The following ITGA4 variants were observed in gnomAD, a reference collection of about 807,000 sequenced individuals.
ITGA4 encodes integrin subunit alpha 4.
In ITGA4, 63 loss-of-function variants were observed where a neutral mutation model predicts 133.6. That is an observed-to-expected ratio of 0.47 (90% CI 0.38 to 0.58). The LOEUF (loss-of-function observed/expected upper bound fraction) is 0.58. ITGA4 is among the 20% of genes least tolerant of loss of function. ITGA4 has a pLI of 0.00. For synonymous variants in ITGA4, 483 were observed against 438.0 expected (o/e 1.10, Z -1.28); for missense variants, 1,076 against 1,252.7 (o/e 0.86, Z 2.13).
chr2:181,469,208 A>G (rs993092486), intron 2 of ITGA4, among the ~76,000 whole-genome samples: 3 of 152,208 alleles, frequency 2.0e-5, no homozygotes, highest in Non-Finnish European at 2.9e-5. Flanking sequence ...TTTGCTTAAC[A>G]TTTGATATTT....
Position 181,523,449 on chromosome 2 carries a change from A to G in ITGA4, c.2086A>G (p.Ile696Val). The G allele has an allele frequency of 6.2e-7, 1 of 1,605,466 alleles. No homozygotes were observed. The highest frequency in any genetic ancestry group is 8.5e-7 in the Non-Finnish European group (1 of 1,172,336). The change falls in exon 19 of 28, where the codon ATA (isoleucine) becomes GTA (valine). Residue 696 changes from isoleucine to valine, a missense_variant. This residue lies in a region of ITGA4 where 365 missense variants were observed against 421.4 expected (regional missense o/e 0.87). Transcript: ENST00000397033. The surrounding 1 kb of genome is among the most constrained non-coding windows in gnomAD (Gnocchi z 4.2). Reference sequence around the variant, plus strand: ...TTTTTCCCATTAGGAAGAGAAGCAAATAAACTGTGAAGTCACAGATAACTC... The same window carrying G: ...TTTTTCCCATTAGGAAGAGAAGCAAGTAAACTGTGAAGTCACAGATAACTC... ...IKILELEEKQ[I>V]NCEVTDNSGV...
intron 10 of ITGA4, among the ~76,000 whole-genome samples, chr2:181,491,890 C>T (rs1251955147): frequency 1.3e-5 from 2 of 152,234 alleles, no homozygotes; most frequent in African/African-American, 4.8e-5. Flanking sequence ...CCTATTGCTT[C>T]CCTGCCCTTG....
At chr2:181,501,998 C>T (rs193107624) in intron 15 of ITGA4, among the ~76,000 whole-genome samples, 67 of 152,006 alleles carry the variant, frequency 4.4e-4, no homozygotes, top group African/African-American at 1.4e-3. Flanking sequence ...GCCGCTACAA[C>T]ATGAAGAGGT....
chr2:181,509,878 T>C, intron 16 of ITGA4, 71 bp downstream of exon 16: 1 of 1,124,346 alleles, frequency 8.9e-7, no homozygotes. Flanking sequence ...GGCATAATTC[T>C]GAAGAAGTGA....
At chr2:181,524,423 T>G (rs1274006627) in intron 20 of ITGA4, 173 bp downstream of exon 20, 1 of 504,198 alleles carries the variant, frequency 2.0e-6, no homozygotes, top group African/African-American at 2.0e-5. Flanking sequence ...CTGGCAATGT[T>G]TTAGCTCTTG....
chr2:181,526,731 C>T (rs1365185495), intron 21 of ITGA4, among the ~76,000 whole-genome samples: 2 of 143,376 alleles, frequency 1.4e-5, no homozygotes, highest in African/African-American at 5.1e-5. Flanking sequence ...AAGGAATGGT[C>T]AGTAGAATGA....
At position 181,537,657 on chromosome 2, in the gene ITGA4, A is replaced by AATTATTTCAGAATTATCT. The variant is rs1458843777; in HGVS notation, c.*2132_*2149dup. 2.3e-6 allele frequency: 1 copy of AATTATTTCAGAATTATCT among 435,170 alleles called. No homozygotes were observed. The highest frequency in any genetic ancestry group is 2.6e-5 in the Admixed American group (1 of 38,466). The allele number at this position is 435,170 out of a possible 1,614,324, so 27.0% of individuals were successfully genotyped here. ...AAATCCTGAAAAATGAAAGAATCCA[A>AATTATTTCAGAATTATCT]ATTATTTCAGAATTATCTAGGTTAA... On this transcript the variant is annotated 3_prime_UTR_variant, in exon 28 of 28. Coordinates refer to ENST00000397033, the MANE Select transcript of ITGA4 (RefSeq NM_000885.6).
intron 10 of ITGA4, among the ~76,000 whole-genome samples, chr2:181,487,574 G>A (rs1685949346): frequency 6.6e-6 from 1 of 152,082 alleles, no homozygotes; most frequent in African/African-American, 2.4e-5. Context: ...TTAATGTATA[G>A]CAATAAGAAA....
chr2:181,493,255 A>G lies in ITGA4; in HGVS notation c.1154-70A>G. 4 of 939,126 alleles carry G rather than the reference A, an allele frequency of 4.3e-6. 1 individual carries two copies. In the South Asian group the frequency reaches 5.7e-5, roughly 13 times the overall value. 58.2% of individuals were successfully genotyped at this position (939,126 alleles called of 1,614,324 possible). On this transcript the variant is annotated intron_variant, in intron 10 of 27. Coordinates refer to ENST00000397033, the MANE Select transcript of ITGA4 (RefSeq NM_000885.6). ...TTATGTGATATGAATTAAGGTTCATAAGGTTAGTTTTCGAAGTTGCATTCT... is the reference window on the plus strand; with the variant it reads ...TTATGTGATATGAATTAAGGTTCATGAGGTTAGTTTTCGAAGTTGCATTCT...
chr2:181,488,322 TG>T (rs1358991339), intron 10 of ITGA4, among the ~76,000 whole-genome samples: 3 of 152,198 alleles, frequency 2.0e-5, no homozygotes, highest in Admixed American at 6.5e-5. Context: ...TATGAGACCC[TG>T]GGCTTCACAC....
chr2:181,482,877 T>C (rs1685837107), intron 9 of ITGA4, among the ~76,000 whole-genome samples: 2 of 152,074 alleles, frequency 1.3e-5, no homozygotes, highest in African/African-American at 4.8e-5. Flanking sequence ...TGTTAGGGAG[T>C]TTCTCTGTTC....
Position 181,538,191 on chromosome 2 carries a change from G to GGAATCATTTCTTCCAT in ITGA4, c.*2666_*2681dup, listed in dbSNP as rs747579450. ...TTTAGAAACAATTACATGTTACTTT[G>GGAATCATTTCTTCCAT]GAATCATTTCTTCCATGCTTCCTCC... On this transcript the variant is annotated 3_prime_UTR_variant, in exon 28 of 28. Transcript: ENST00000397033. The GGAATCATTTCTTCCAT allele has an allele frequency of 1.9e-6, 3 of 1,569,286 alleles. No individual in the cohort carries two copies. The South Asian group carries it at 3.3e-5, about 17-fold the overall frequency.
intron 25 of ITGA4, among the ~76,000 whole-genome samples, chr2:181,533,753 C>G (rs1156746139): frequency 6.6e-6 from 1 of 152,106 alleles, no homozygotes; most frequent in East Asian, 1.9e-4. Flanking sequence ...TAAATATATT[C>G]TCATCTCCCT....
rs182103300 is a variant in ITGA4 at position 181,460,093 on chromosome 2, T to A, written c.319+1776T>A. 1.1e-3 allele frequency among the ~76,000 whole-genome samples: 174 copies of A among 152,260 alleles called. 3 individuals are homozygous for A. The highest frequency in any genetic ancestry group is 9.3e-3 in the Admixed American group (142 of 15,298). ...TTTTGGATGGATGAATGAATAAAAG[T>A]GGAGTGAAAATTTATCAACCTGACT... On this transcript the variant is annotated intron_variant, in intron 2 of 27. Coordinates refer to ENST00000397033, the MANE Select transcript of ITGA4 (RefSeq NM_000885.6).
chr2:181,469,900 C>T (rs1329558267), intron 2 of ITGA4, among the ~76,000 whole-genome samples: 2 of 151,622 alleles, frequency 1.3e-5, no homozygotes, highest in African/African-American at 4.8e-5. Flanking sequence ...GAACATCACA[C>T]ACCGGGGCCT....
rs184861841 is a variant in ITGA4 at position 181,530,866 on chromosome 2, C to T, written c.2664+217C>T. On this transcript the variant is annotated intron_variant, in intron 24 of 27. Transcript: ENST00000397033. The stretch of plus-strand genomic sequence containing the variant: ...CATGTTGGCCGGGTGTGATGGCTCA[C>T]GCCTGTAATCCCAGCACTTTGGGAG... 5.9e-5 allele frequency among the ~76,000 whole-genome samples: 9 copies of T among 152,234 alleles called. No homozygotes were observed. The East Asian group carries it at 1.3e-3, about 23-fold the overall frequency.
rs539904664 is a variant in ITGA4 at position 181,495,640 on chromosome 2, G to A, written c.1386-143G>A. 9 of 732,076 alleles carry A rather than the reference G, an allele frequency of 1.2e-5. No individual in the cohort carries two copies. The East Asian group carries it at 2.1e-4, about 17-fold the overall frequency. 45.3% of individuals were successfully genotyped at this position (732,076 alleles called of 1,614,324 possible). A position where few individuals can be genotyped will look rare whatever the true frequency, so the allele number is the denominator to read the frequency against. The stretch of plus-strand genomic sequence containing the variant: ...TAAATAAAAAGTTATTTTGCCCTGT[G>A]CACAGAAATGTAATTAGTATGTACA... On this transcript the variant is annotated intron_variant, in intron 13 of 27. Coordinates refer to ENST00000397033, the MANE Select transcript of ITGA4 (RefSeq NM_000885.6). This position sits in a 1 kb window ranked among gnomAD's most constrained non-coding sequence, Gnocchi z 4.3.
chr2:181,525,564 C>G (rs1238064602), intron 21 of ITGA4, among the ~76,000 whole-genome samples: 1 of 152,198 alleles, frequency 6.6e-6, no homozygotes, highest in Non-Finnish European at 1.5e-5. Flanking sequence ...CCACACTGAG[C>G]CTTTCAGCTG....
At chr2:181,464,984 A>G (rs1008640181) in intron 2 of ITGA4, among the ~76,000 whole-genome samples, 20 of 152,172 alleles carry the variant, frequency 1.3e-4, no homozygotes, top group Admixed American at 9.2e-4. Context: ...GTAAAACACT[A>G]TAATTCACAA....
Sources: allele counts gnomAD v4.1 joint callset (sites outside exome capture counted in the v4.1 genomes callset), GRCh38; gene constraint gnomAD v4.1.1; regional missense constraint gnomAD v4.1.1; non-coding constraint Gnocchi (gnomAD v3.1); transcripts MANE v1.5; gene names NCBI Gene and HGNC (gene_info 2026-07-23, HGNC 2026-07-21).